CDK14: variants seen among roughly 807,000 people sequenced by gnomAD.
CDK14 encodes the protein cyclin dependent kinase 14.
CDK14 carries 34 observed loss-of-function variants against 60.7 expected under a neutral mutation model. The observed-to-expected ratio is 0.56, with a 90% CI of 0.43 to 0.75. CDK14 has a LOEUF of 0.75. CDK14 is among the 30% of genes least tolerant of loss of function. CDK14 has a pLI of 0.00. For missense variants in CDK14, 482 were observed against 564.1 expected (o/e 0.85, Z 1.47); for synonymous variants, 197 against 203.7 (o/e 0.97, Z 0.28).
chr7:90,979,401 T>C (rs1431747540), intron 9 of CDK14: 2 of 152,212 alleles, frequency 1.3e-5, no homozygotes, highest in African/African-American at 4.8e-5. Flanking sequence ...GTGCCATCAC[T>C]CCATAATCCA....
intron 12 of CDK14, among the ~76,000 whole-genome samples, chr7:91,096,782 C>T (rs1349930090): frequency 6.6e-6 from 1 of 152,132 alleles, no homozygotes; most frequent in Non-Finnish European, 1.5e-5. Flanking sequence ...TGACACCTCA[C>T]AGTATCATGG....
chr7:90,723,192 C>G (rs545207536), intron 2 of CDK14, among the ~76,000 whole-genome samples: 1 of 152,222 alleles, frequency 6.6e-6, no homozygotes, highest in South Asian at 2.1e-4. Context: ...TTTTCTGAGT[C>G]TATTGAGATG....
At chr7:90,805,414 T>C (rs562860691) in intron 5 of CDK14, among the ~76,000 whole-genome samples, 1 of 141,544 alleles carries the variant, frequency 7.1e-6, no homozygotes, top group Admixed American at 7.4e-5. Context: ...TAACAAACTT[T>C]GAATAGAAAG....
At chr7:90,601,504 T>C (rs975618850) in intron 1 of CDK14, among the ~76,000 whole-genome samples, 1 of 152,198 alleles carries the variant, frequency 6.6e-6, no homozygotes, top group African/African-American at 2.4e-5. Context: ...GAGAGTATTG[T>C]GCAGATGAGA....
At chr7:90,815,580 GGATTATAAATCATTT>G (rs1789315988) in intron 5 of CDK14, among the ~76,000 whole-genome samples, 1 of 50,218 alleles carries the variant, frequency 2.0e-5, no homozygotes, top group African/African-American at 7.7e-5. Context: ...TATACCCAAA[GGATTATAAATCATTT>G]TACTATAAAG....
intron 4 of CDK14, among the ~76,000 whole-genome samples, chr7:90,777,179 G>A (rs1435609214): frequency 1.3e-5 from 2 of 152,088 alleles, no homozygotes; most frequent in South Asian, 2.1e-4. Flanking sequence ...AGGATCATAG[G>A]CAGTTGGATG....
chr7:90,740,288 GAGAA>G (rs1562746989), intron 3 of CDK14, among the ~76,000 whole-genome samples: 1 of 149,574 alleles, frequency 6.7e-6, no homozygotes, highest in Non-Finnish European at 1.5e-5. Context: ...GAGAGAGAGA[GAGAA>G]AGAAAGAAAG....
At chr7:91,156,301 G>A (rs904871507) in intron 14 of CDK14, among the ~76,000 whole-genome samples, 2 of 152,120 alleles carry the variant, frequency 1.3e-5, no homozygotes, top group African/African-American at 4.8e-5. Context: ...CAAAATATGT[G>A]GTTGGATAAT....
At chr7:90,843,125 A>T (rs77787294) in intron 5 of CDK14, among the ~76,000 whole-genome samples, 1,974 of 152,294 alleles carry the variant, frequency 0.013, 33 homozygotes, top group African/African-American at 0.044. Flanking sequence ...CTTCACTAAG[A>T]GTGGGAGCTA....
rs150998605 is a variant in CDK14 at position 91,004,606 on chromosome 7, G to A, written c.1041+20365G>A. 2.5e-3 allele frequency among the ~76,000 whole-genome samples: 385 copies of A among 152,306 alleles called. 2 individuals are homozygous for A. The highest frequency in any genetic ancestry group is 8.7e-3 in the African/African-American group (363 of 41,570). The stretch of plus-strand genomic sequence containing the variant: ...GAATATCAATTGATGTCATCTTCTG[G>A]TAGTAAGTTGTTGGTAAGTTGGATG... On this transcript the variant is annotated intron_variant, in intron 10 of 14. Transcript: ENST00000380050.
chr7:90,757,209 A>AGTGTGTGTGTGTGTGTGTGTGTGTGTGT (rs56790315), intron 4 of CDK14, among the ~76,000 whole-genome samples: 3 of 120,298 alleles, frequency 2.5e-5, no homozygotes, highest in Non-Finnish European at 3.5e-5. Context: ...GCATTCTTCC[A>AGTGTGTGTGTGTGTGTGTGTGTGTGTGT]GTGTGTGTGT....
intron 2 of CDK14, among the ~76,000 whole-genome samples, chr7:90,651,315 T>C (rs1718984869): frequency 6.6e-6 from 1 of 152,154 alleles, no homozygotes; most frequent in African/African-American, 2.4e-5. Context: ...AAGATCTAAG[T>C]GGCAATTACA....
chr7:90,902,640 C>A (rs1477449969), intron 7 of CDK14, among the ~76,000 whole-genome samples: 1 of 152,090 alleles, frequency 6.6e-6, no homozygotes, highest in African/African-American at 2.4e-5. Flanking sequence ...AGGCCCAAAA[C>A]TATTGAACTC....
At chr7:90,689,005 C>T (rs1416326322) in intron 2 of CDK14, among the ~76,000 whole-genome samples, 1 of 152,092 alleles carries the variant, frequency 6.6e-6, no homozygotes, top group Non-Finnish European at 1.5e-5. Context: ...AGTCCCTGGC[C>T]CTCCCACAGT....
chr7:90,671,941 A>G (rs746802311), intron 2 of CDK14, among the ~76,000 whole-genome samples: 1 of 152,222 alleles, frequency 6.6e-6, no homozygotes, highest in Non-Finnish European at 1.5e-5. Context: ...TTTGGAGTCT[A>G]GGAACCATTT....
intron 11 of CDK14, among the ~76,000 whole-genome samples, chr7:91,079,007 TAGGAA>T (rs1300401173): frequency 6.6e-6 from 1 of 152,106 alleles, no homozygotes; most frequent in East Asian, 1.9e-4. Context: ...CCATACAATA[TAGGAA>T]AGGAGACCCA....
At chr7:91,201,128 G>T (rs1802705048) in intron 14 of CDK14, among the ~76,000 whole-genome samples, 1 of 152,152 alleles carries the variant, frequency 6.6e-6, no homozygotes, top group Non-Finnish European at 1.5e-5. Flanking sequence ...ATTTGAGAAG[G>T]AGGTTGGAAG....
At chr7:90,963,086 A>AGT (rs34662049) in intron 9 of CDK14, among the ~76,000 whole-genome samples, 6,095 of 142,070 alleles carry the variant, frequency 0.043, 184 homozygotes, top group South Asian at 0.13. Context: ...TCATCTTAAG[A>AGT]GTGTGTGTGT....
At chr7:91,127,222 A>G (rs1339867700) in intron 14 of CDK14, among the ~76,000 whole-genome samples, 3 of 152,190 alleles carry the variant, frequency 2.0e-5, no homozygotes, top group Admixed American at 2.0e-4. Flanking sequence ...AGTGTGGACT[A>G]TGAATGAAGC....
Sources: allele counts gnomAD v4.1 joint callset (sites outside exome capture counted in the v4.1 genomes callset), GRCh38; gene constraint gnomAD v4.1.1; transcripts MANE v1.5; gene names NCBI Gene and HGNC (gene_info 2026-07-23, HGNC 2026-07-21).